CENPC: variants seen among roughly 807,000 people sequenced by gnomAD.
CENPC encodes the protein CENP-C 1.
In CENPC, 63 loss-of-function variants were observed where a neutral mutation model predicts 112.1. The observed-to-expected ratio is 0.56, with a 90% CI of 0.46 to 0.69. CENPC has a LOEUF of 0.69. Among genes scored for constraint, CENPC ranks in the 30% least tolerant of loss-of-function variants. CENPC has a pLI of 0.00. For missense variants in CENPC, 1,000 were observed against 1,103.8 expected (o/e 0.91, Z 1.33); for synonymous variants, 333 against 367.6 (o/e 0.91, Z 1.08).
At chr4:67,523,174 G>A (rs1038043972) in intron 5 of CENPC, among the ~76,000 whole-genome samples, 7 of 151,972 alleles carry the variant, frequency 4.6e-5, no homozygotes, top group East Asian at 1.9e-4. Flanking sequence ...TTAGATGAGC[G>A]TGGTGGCTGC....
chr4:67,470,583 A>AAAAAAAAAAAAAG lies in CENPC; in HGVS notation c.*2021_*2022insCTTTTTTTTTTTT, dbSNP rs58690134. 6.0e-4 allele frequency: 66 copies of AAAAAAAAAAAAAG among 110,618 alleles called. 1 individual carries two copies. The highest frequency in any genetic ancestry group is 2.3e-3 in the Admixed American group (19 of 8,368). The allele number at this position is 110,618 out of a possible 1,614,324, so 6.9% of individuals were successfully genotyped here. A position where few individuals can be genotyped will look rare whatever the true frequency, so the allele number is the denominator to read the frequency against. Reference sequence around the variant, plus strand: ...GTGAAACTCTGCCTCAAAAAAAAAAAAAAAGAAAAGAAAAGAAAAAAGAAA... The same window carrying AAAAAAAAAAAAAG: ...GTGAAACTCTGCCTCAAAAAAAAAAAAAAAAAAAAAAAGAAAAGAAAAGAAAAGAAAAAAGAAA... On this transcript the variant is annotated 3_prime_UTR_variant, in exon 19 of 19. Transcript: ENST00000273853.
At chr4:67,520,555 C>T (rs1404025236) in intron 5 of CENPC, among the ~76,000 whole-genome samples, 3 of 152,148 alleles carry the variant, frequency 2.0e-5, no homozygotes, top group Non-Finnish European at 1.5e-5. Context: ...CTAACCAGAA[C>T]CCCACACAAG....
In CENPC at chr4:67,518,303, T is replaced by C; in HGVS notation, c.683A>G (p.Glu228Gly). 12 of 1,551,146 alleles carry C rather than the reference T, an allele frequency of 7.7e-6. No homozygotes were observed. Among genetic ancestry groups the C allele is most frequent in the African/African-American group, 1.4e-5 (1 of 73,366 alleles). Reference sequence around the variant, plus strand: ...TTCTTGTCCTTCCGATGTTTTATCCTCTTCATCTGATACTTTATTATCTAT... The same window carrying C: ...TTCTTGTCCTTCCGATGTTTTATCCCCTTCATCTGATACTTTATTATCTAT... ...IEIDNKVSDEEDKTSEGQERK... is the reference protein window; with the variant it reads ...IEIDNKVSDEGDKTSEGQERK... The change falls in exon 7 of 19, where the codon GAG (glutamate) becomes GGG (glycine). Residue 228 changes from glutamate to glycine, a missense_variant. Transcript: ENST00000273853.
rs554398788 is a variant in CENPC, at chr4:67,498,811, T to C, written c.2132-3599A>G. 3.9e-5 allele frequency among the ~76,000 whole-genome samples: 6 copies of C among 152,214 alleles called. No homozygotes were observed. In the South Asian group the frequency reaches 8.3e-4, roughly 21 times the overall value. ...CCAAGCTCCTGTTAATATTGATATTTTGACCTCCTCCCATGAAACACAAAT... is the reference window on the plus strand; with the variant it reads ...CCAAGCTCCTGTTAATATTGATATTCTGACCTCCTCCCATGAAACACAAAT... On this transcript the variant is annotated intron_variant, in intron 12 of 18. Transcript: ENST00000273853.
In CENPC at chr4:67,508,868, G is replaced by A. The variant is rs770227965; in HGVS notation, c.1850C>T (p.Pro617Leu). The A allele has an allele frequency of 6.2e-7, 1 of 1,613,506 alleles. No individual in the cohort carries two copies. Among genetic ancestry groups the A allele is most frequent in the Non-Finnish European group, 8.5e-7 (1 of 1,179,688 alleles). Reference protein sequence around the residue: ...DEISRCSLSEPLESDEADLAK... With the variant: ...DEISRCSLSELLESDEADLAK... ...CAAGTCTGCCTCATCACTTTCCAAT[G>A]GCTCACTCAGCGAACATCTGGAAAT... Residue 617 changes from proline to leucine, a missense_variant, in exon 10 of 19, where the codon CCA becomes CTA. Physicochemically the swap from Pro to Leu is moderately conservative, Grantham distance 98. Coordinates refer to ENST00000273853, the MANE Select transcript of CENPC (RefSeq NM_001812.4).
intron 4 of CENPC, among the ~76,000 whole-genome samples, chr4:67,537,939 A>G (rs1231427289): frequency 2.0e-5 from 3 of 152,208 alleles, no homozygotes; most frequent in Admixed American, 6.5e-5. Flanking sequence ...AGCTGTGATC[A>G]TGTCATGGCA....
intron 16 of CENPC, among the ~76,000 whole-genome samples, chr4:67,491,517 A>AGAGAGAGAGAGC (rs1725277557): frequency 7.1e-6 from 1 of 140,200 alleles, no homozygotes; most frequent in Non-Finnish European, 1.6e-5. Context: ...AGAGAGAGAG[A>AGAGAGAGAGAGC]GAGAGAGAGA....
Position 67,495,166 on chromosome 4 carries a change from G to A in CENPC, c.2178C>T (p.His726=). ...SKVIPKNRIH[H]KLVLPSNTPN... The stretch of plus-strand genomic sequence containing the variant: ...AAAGAAAAATATTCTTACCTAGTTT[G>A]TGATGGATTCTGTTCTTTGGTATCA... The change falls in exon 13 of 19, where the codon CAC becomes CAT. Residue 726 remains histidine, a synonymous_variant. Coordinates refer to ENST00000273853, the MANE Select transcript of CENPC (RefSeq NM_001812.4). 1.3e-6 allele frequency: 2 copies of A among 1,524,976 alleles called. No individual in the cohort carries two copies. The highest frequency in any genetic ancestry group is 8.8e-7 in the Non-Finnish European group (1 of 1,138,336). 94.5% of individuals were successfully genotyped at this position (1,524,976 alleles called of 1,614,324 possible).
intron 11 of CENPC, 82 bp downstream of exon 11, chr4:67,506,706 T>C (rs1020806343): frequency 7.1e-6 from 8 of 1,124,880 alleles, no homozygotes; most frequent in Non-Finnish European, 8.3e-6. Flanking sequence ...TTAACAAAAT[T>C]AAAATAAAGT....
intron 17 of CENPC, among the ~76,000 whole-genome samples, chr4:67,480,083 G>A (rs1225424514): frequency 1.3e-5 from 2 of 152,232 alleles, no homozygotes; most frequent in Non-Finnish European, 2.9e-5. Context: ...ACTTTGGGAG[G>A]CTGAGGCAGG....
intron 17 of CENPC, among the ~76,000 whole-genome samples, chr4:67,483,416 G>A (rs1185997812): frequency 2.0e-5 from 3 of 151,868 alleles, no homozygotes; most frequent in Non-Finnish European, 2.9e-5. Flanking sequence ...ACCTATTGAA[G>A]TAAAAAATAA....
At chr4:67,509,707 C>T (rs1725841484) in intron 9 of CENPC, among the ~76,000 whole-genome samples, 1 of 151,954 alleles carries the variant, frequency 6.6e-6, no homozygotes, top group African/African-American at 2.4e-5. Context: ...TTCAAGCTCT[C>T]CCTCCTGTCA....
intron 4 of CENPC, among the ~76,000 whole-genome samples, chr4:67,532,173 A>T (rs1365347374): frequency 6.6e-6 from 1 of 152,204 alleles, no homozygotes; most frequent in Non-Finnish European, 1.5e-5. Flanking sequence ...CCATCAGAGA[A>T]ATGCAAATCA....
chr4:67,537,977 C>T (rs976484507), intron 4 of CENPC, among the ~76,000 whole-genome samples: 1 of 152,054 alleles, frequency 6.6e-6, no homozygotes. Context: ...GAGTGAAACC[C>T]TGTCTCAGAA....
At chr4:67,473,971 A>C (rs1192970950) in intron 18 of CENPC, among the ~76,000 whole-genome samples, 1 of 152,264 alleles carries the variant, frequency 6.6e-6, no homozygotes, top group African/African-American at 2.4e-5. Flanking sequence ...ACAGTTTAAA[A>C]TAATGTTCTA....
intron 5 of CENPC, among the ~76,000 whole-genome samples, chr4:67,521,022 C>CAAAT (rs79427742): frequency 0.059 from 8,784 of 149,826 alleles, 313 homozygotes; most frequent in Non-Finnish European, 0.071. Flanking sequence ...AAAAAATAAA[C>CAAAT]AAATAAATAA....
intron 6 of CENPC, 93 bp downstream of exon 6, chr4:67,519,124 G>T: frequency 3.4e-6 from 3 of 874,292 alleles, no homozygotes; most frequent in South Asian, 2.1e-5. Context: ...TCCTTCCTTA[G>T]TGTAAAATAA....
chr4:67,529,456 C>T (rs947935635), intron 5 of CENPC, among the ~76,000 whole-genome samples: 2 of 151,802 alleles, frequency 1.3e-5, no homozygotes, highest in Non-Finnish European at 2.9e-5. Context: ...CTCCCGAGTA[C>T]CTGGGATAAC....
At chr4:67,474,255 T>C (rs1279801677) in intron 18 of CENPC, among the ~76,000 whole-genome samples, 1 of 152,004 alleles carries the variant, frequency 6.6e-6, no homozygotes, top group Non-Finnish European at 1.5e-5. Flanking sequence ...TTAGTAGAGA[T>C]GGGGTTTCAC....
Sources: gnomAD v4.1 joint callset for allele counts (sites outside exome capture counted in the v4.1 genomes callset) on GRCh38, gnomAD v4.1.1 for gene constraint, MANE v1.5 for transcripts, NCBI Gene and HGNC (gene_info 2026-07-23, HGNC 2026-07-21) for gene names.